The following TUT7 variants were observed in gnomAD, a reference collection of about 807,000 sequenced individuals.
TUT7 encodes terminal uridylyltransferase 7.
Under a neutral mutation model 165.9 loss-of-function variants are expected in TUT7, and 33 were observed. The ratio of observed to expected loss-of-function variants is 0.20; its 90% CI spans 0.15 to 0.27. The LOEUF (loss-of-function observed/expected upper bound fraction) is 0.27. TUT7 is among the 10% of genes least tolerant of loss of function. The pLI is 1.00. For missense variants in TUT7, 1,338 were observed against 1,762.3 expected (o/e 0.76, Z 4.31); for synonymous variants, 552 against 608.1 (o/e 0.91, Z 1.36).
chr9:86,331,073 A>AAAAT (rs1310421794), intron 10 of TUT7, among the ~76,000 whole-genome samples: 4 of 152,016 alleles, frequency 2.6e-5, no homozygotes, highest in Non-Finnish European at 4.4e-5. Flanking sequence ...TATTTAGTTC[A>AAAAT]AAATATGTTT....
chr9:86,302,819 G>A (rs1827070366), intron 25 of TUT7, among the ~76,000 whole-genome samples: 1 of 152,014 alleles, frequency 6.6e-6, no homozygotes, highest in Non-Finnish European at 1.5e-5. Flanking sequence ...ATGTGGGTCA[G>A]GCTGGTCTTG....
chr9:86,319,549 C>T lies in TUT7; in HGVS notation c.3115+35G>A, dbSNP rs780093419. 3 of 1,425,640 alleles carry T rather than the reference C, an allele frequency of 2.1e-6. No individual in the cohort carries two copies. The Admixed American group carries it at 6.1e-5, about 29-fold the overall frequency. 88.3% of individuals were successfully genotyped at this position (1,425,640 alleles called of 1,614,324 possible). A position where few individuals can be genotyped will look rare whatever the true frequency, so the allele number is the denominator to read the frequency against. On this transcript the variant is annotated intron_variant, in intron 15 of 26. Transcript: ENST00000375963. ...GAACTGATTTGGAAAAAAGGTTACA[C>T]TACTTTTCTTAAAAATAAAAAATAA...
intron 26 of TUT7, among the ~76,000 whole-genome samples, chr9:86,296,739 C>T (rs978110357): frequency 2.0e-5 from 3 of 152,196 alleles, no homozygotes; most frequent in Admixed American, 2.0e-4. Context: ...CTGTCCGTAT[C>T]AACATGCTTT....
intron 10 of TUT7, among the ~76,000 whole-genome samples, chr9:86,329,523 C>CA (rs56393103): frequency 0.014 from 1,824 of 132,604 alleles, 33 homozygotes; most frequent in African/African-American, 0.042. Context: ...AACTCCATCT[C>CA]AAAAAAAAAA....
chr9:86,298,058 G>A (rs569229947), intron 26 of TUT7, among the ~76,000 whole-genome samples: 57 of 150,894 alleles, frequency 3.8e-4, no homozygotes, highest in Admixed American at 2.7e-3. Context: ...AATTTCCCCC[G>A]ACTGGCCCCT....
Position 86,322,878 on chromosome 9 carries a change from C to T in TUT7, c.2872G>A (p.Gly958Ser). ...CTAGTGGTGGTACTGATTACCTTGC[C>T]TTTGGTGAAGATAAGTTTACTGAAT... is the stretch of plus-strand genomic sequence containing the variant. The part of the protein sequence containing the change: ...YEFSKLIFTK[G>S]KSPTVVCSLC... Residue 958 changes from glycine (G) to serine (S), a missense_variant, in exon 13 of 27, where the codon GGC becomes AGC. Physicochemically the swap from Gly to Ser is moderately conservative, Grantham distance 56. Coordinates refer to ENST00000375963, the MANE Select transcript of TUT7 (RefSeq NM_024617.4). 6.3e-7 allele frequency: 1 copy of T among 1,592,244 alleles called. No homozygotes were observed. The highest frequency in any genetic ancestry group is 8.5e-7 in the Non-Finnish European group (1 of 1,170,926).
At position 86,349,505 on chromosome 9, in the gene TUT7, T is replaced by C. The variant is rs369154687; in HGVS notation, c.521-3025A>G. ...ACATTAAACTGGCAATCTAGGACAT[T>C]TGAAGGCTAAAGTAGGGGCAGTAAT... On this transcript the variant is annotated intron_variant, in intron 2 of 26. Transcript: ENST00000375963. Among the ~76,000 whole-genome samples the C allele has an allele frequency of 4.6e-5, 7 of 152,208 alleles. No homozygotes were observed. In the East Asian group the frequency reaches 1.4e-3, roughly 30 times the overall value.
In TUT7 at chr9:86,309,217, C is replaced by A; in HGVS notation, c.3655G>T (p.Glu1219Ter). The A allele has an allele frequency of 1.3e-6, 2 of 1,565,158 alleles. No homozygotes were observed. Among genetic ancestry groups the A allele is most frequent in the South Asian group, 2.2e-5 (2 of 88,890 alleles). ...TTTACTCTTAAAATACGTACCAGTT[C>A]ATCTATTTGATCAAAAAAATAAATA... is the stretch of plus-strand genomic sequence containing the variant. ...WNIYFFDQID[E>*]LPTYWSECGK... is the part of the protein sequence containing the mutation. Residue 1219 changes from glutamate to a stop codon, truncating the protein, a stop_gained, in exon 21 of 27, where the codon GAA (glutamate) becomes TAA (stop). Transcript: ENST00000375963. LOFTEE classifies it high-confidence loss of function.
At chr9:86,303,347 A>T in intron 24 of TUT7, 146 bp from the exon 25 acceptor site, 1 of 489,016 alleles carries the variant, frequency 2.0e-6, no homozygotes, top group East Asian at 3.1e-5. Flanking sequence ...TTAATTCCAA[A>T]CAAAATCTAA....
intron 26 of TUT7, among the ~76,000 whole-genome samples, chr9:86,290,311 C>T (rs1825805505): frequency 6.6e-6 from 1 of 152,048 alleles, no homozygotes; most frequent in East Asian, 1.9e-4. Flanking sequence ...TCTAAATTTT[C>T]CATAGCAAAC....
Position 86,301,446 on chromosome 9 carries a change from T to G in TUT7, c.4250A>C (p.Lys1417Thr). The change falls in exon 26 of 27, where the codon AAA (lysine) becomes ACA (threonine). Residue 1417 changes from lysine to threonine, a missense_variant. Physicochemically the swap from Lys to Thr is moderately conservative, Grantham distance 78 (BLOSUM62 -1). Around this residue, in one of 7 missense-constraint regions of TUT7, gnomAD observed 167 missense variants for 204.9 expected, o/e 0.82. Transcript: ENST00000375963. ...EDKPIQCTPQ[K>T]AKPMRAAADL... Reference sequence around the variant, plus strand: ...AGCAGCTGCCCGCATTGGCTTGGCTTTCTGAGGTGTGCACTGTATGGGCTT... The same window carrying G: ...AGCAGCTGCCCGCATTGGCTTGGCTGTCTGAGGTGTGCACTGTATGGGCTT... The G allele has an allele frequency of 1.2e-6, 2 of 1,614,194 alleles. No homozygotes were observed. The highest frequency in any genetic ancestry group is 8.5e-7 in the Non-Finnish European group (1 of 1,180,024).
chr9:86,339,227 A>C (rs1265981023), intron 8 of TUT7, among the ~76,000 whole-genome samples: 1 of 152,168 alleles, frequency 6.6e-6, no homozygotes, highest in East Asian at 1.9e-4. Context: ...AATAAGGAAA[A>C]TATTATCAAA....
intron 10 of TUT7, among the ~76,000 whole-genome samples, chr9:86,332,123 A>G (rs1381925175): frequency 6.6e-6 from 1 of 152,184 alleles, no homozygotes; most frequent in Non-Finnish European, 1.5e-5. Context: ...TGCAGTGAAA[A>G]GGGAACACTT....
intron 17 of TUT7, among the ~76,000 whole-genome samples, chr9:86,315,566 A>C (rs959367049): frequency 2.6e-5 from 4 of 152,316 alleles, no homozygotes; most frequent in South Asian, 2.1e-4. Flanking sequence ...TTCAAAACAC[A>C]AAGTTAAAAT....
intron 10 of TUT7, among the ~76,000 whole-genome samples, chr9:86,329,511 G>A (rs1345312435): frequency 2.2e-5 from 3 of 137,342 alleles, no homozygotes; most frequent in Admixed American, 7.4e-5. Flanking sequence ...CAACAAGAGC[G>A]AAACTCCATC....
chr9:86,325,560 A>T (rs904876764), intron 11 of TUT7, 46 bp from the exon 12 acceptor site: 1 of 1,509,096 alleles, frequency 6.6e-7, no homozygotes, highest in Non-Finnish European at 9.0e-7. Context: ...AGATGTAAGT[A>T]CAATCTGGAA....
intron 26 of TUT7, among the ~76,000 whole-genome samples, chr9:86,299,555 T>G (rs929341678): frequency 2.6e-5 from 4 of 152,180 alleles, no homozygotes; most frequent in African/African-American, 9.7e-5. Flanking sequence ...ACTACTAACT[T>G]TAATGTGTCA....
intron 10 of TUT7, 87 bp downstream of exon 10, chr9:86,337,332 T>A: frequency 1.5e-6 from 2 of 1,375,256 alleles, no homozygotes; most frequent in Non-Finnish European, 2.0e-6. Context: ...TCTGGTTAGG[T>A]GTCTAGATTT....
In TUT7 at chr9:86,287,957, G is replaced by A. The variant is rs563439361; in HGVS notation, c.*720C>T. 2 of 152,226 alleles carry A rather than the reference G, an allele frequency of 1.3e-5. No individual in the cohort carries two copies. Among genetic ancestry groups the A allele is most frequent in the South Asian group, 2.1e-4 (1 of 4,828 alleles). 9.4% of individuals were successfully genotyped at this position (152,226 alleles called of 1,614,324 possible). ...TCCTAATTTCTGAGTATCATAAAAA[G>A]TAAAAAGTACTTTCATTTTATTTTT... On this transcript the variant is annotated 3_prime_UTR_variant, in exon 27 of 27. Coordinates refer to ENST00000375963, the MANE Select transcript of TUT7 (RefSeq NM_024617.4).
Sources: gnomAD v4.1 joint callset for allele counts (sites outside exome capture counted in the v4.1 genomes callset) on GRCh38, gnomAD v4.1.1 for gene constraint, gnomAD v4.1.1 regional missense constraint, MANE v1.5 for transcripts, NCBI Gene and HGNC (gene_info 2026-07-23, HGNC 2026-07-21) for gene names.